Variants in INPP4B observed in about 807,000 individuals in gnomAD.
INPP4B encodes inositol polyphosphate-4-phosphatase type II B.
A neutral mutation model predicts 122.5 loss-of-function variants in INPP4B; 55 were observed. That is an observed-to-expected ratio of 0.45 (90% CI 0.36 to 0.56). The LOEUF is 0.56. Ranked by LOEUF, INPP4B falls within the 20% of genes least tolerant of loss-of-function variation. The pLI is 0.00. For synonymous variants in INPP4B, 403 were observed against 388.7 expected (o/e 1.04, Z -0.43); for missense variants, 1,000 against 1,097.7 (o/e 0.91, Z 1.26).
intron 2 of INPP4B, among the ~76,000 whole-genome samples, chr4:142,651,542 A>T (rs1361570611): frequency 2.0e-5 from 3 of 152,202 alleles, no homozygotes; most frequent in African/African-American, 7.2e-5. Context: ...AGGGGATATC[A>T]CCACCGATCC....
At chr4:142,125,196 T>C (rs977614729) in intron 18 of INPP4B, among the ~76,000 whole-genome samples, 9 of 152,046 alleles carry the variant, frequency 5.9e-5, no homozygotes, top group Non-Finnish European at 1.3e-4. Context: ...ATGCCCATCG[T>C]TGTTTATTGC....
intron 3 of INPP4B, among the ~76,000 whole-genome samples, chr4:142,451,671 AT>A (rs1180488431): frequency 6.6e-6 from 1 of 152,146 alleles, no homozygotes; most frequent in Non-Finnish European, 1.5e-5. Flanking sequence ...CCTTTTGGAG[AT>A]CACAATCCCA....
chr4:142,092,240 A>G (rs1779886783), intron 23 of INPP4B, among the ~76,000 whole-genome samples: 1 of 152,216 alleles, frequency 6.6e-6, no homozygotes, highest in African/African-American at 2.4e-5. Context: ...TAAAATTAAC[A>G]TAAGAGATAA....
At chr4:142,831,282 C>T (rs1378039021) in intron 1 of INPP4B, among the ~76,000 whole-genome samples, 2 of 152,142 alleles carry the variant, frequency 1.3e-5, no homozygotes, top group African/African-American at 4.8e-5. Flanking sequence ...GTCACAGTTG[C>T]CTGACAGTTC....
chr4:142,042,550 GTATGTATGTATT>G (rs1241262064), intron 25 of INPP4B, among the ~76,000 whole-genome samples: 1,001 of 28,912 alleles, frequency 0.035, 4 homozygotes, highest in African/African-American at 0.047. Flanking sequence ...ATGTATGTAT[GTATGTATGTATT>G]TATTTATTTA....
At chr4:142,588,825 A>G (rs947706227) in intron 2 of INPP4B, among the ~76,000 whole-genome samples, 1 of 151,868 alleles carries the variant, frequency 6.6e-6, no homozygotes, top group Non-Finnish European at 1.5e-5. Context: ...TTTTGTAGAT[A>G]TCAGCAACAG....
At position 142,659,319 on chromosome 4, in the gene INPP4B, T is replaced by C. The variant is rs1243078332; in HGVS notation, c.-191+66520A>G. Among the ~76,000 whole-genome samples, 4 of 151,322 alleles carry C rather than the reference T, an allele frequency of 2.6e-5. No homozygotes were observed. The East Asian group carries it at 5.9e-4, about 22-fold the overall frequency. On this transcript the variant is annotated intron_variant, in intron 2 of 25. Transcript: ENST00000262992. Reference sequence around the variant, plus strand: ...TACCCCGGATGCTGAGGCAGAAGAATGGCGTGAACCCGGGAGGTGGAGCTT... The same window carrying C: ...TACCCCGGATGCTGAGGCAGAAGAACGGCGTGAACCCGGGAGGTGGAGCTT...
intron 2 of INPP4B, among the ~76,000 whole-genome samples, chr4:142,553,021 C>T (rs1472852852): frequency 6.6e-6 from 1 of 152,162 alleles, no homozygotes; most frequent in Non-Finnish European, 1.5e-5. Context: ...ACACTGTATG[C>T]TGAAGACCTC....
Position 142,082,052 on chromosome 4 carries a change from C to G in INPP4B, c.2621G>C (p.Arg874Pro). 6.8e-7 allele frequency: 1 copy of G among 1,464,338 alleles called. No individual in the cohort carries two copies. 90.7% of individuals were successfully genotyped at this position (1,464,338 alleles called of 1,614,324 possible). A position where few individuals can be genotyped will look rare whatever the true frequency, so the allele number is the denominator to read the frequency against. The part of the protein sequence containing the change: ...EHQLHKDFFI[R>P]ALDCMRREGC... ...ATACCTTCTCATGCAATCCAGCGCT[C>G]GGATAAAGAAGTCCTTGTGTAACTG... The change falls in exon 25 of 26, where the codon CGA becomes CCA. Residue 874 changes from arginine (R) to proline (P), a missense_variant. Coordinates refer to ENST00000262992, the MANE Select transcript of INPP4B (RefSeq NM_001101669.3).
At chr4:142,292,319 A>G (rs1380108804) in intron 9 of INPP4B, among the ~76,000 whole-genome samples, 4 of 152,198 alleles carry the variant, frequency 2.6e-5, no homozygotes, top group Non-Finnish European at 1.5e-5. Flanking sequence ...TCACAGGTCT[A>G]TCCTGAAAGT....
chr4:142,452,911 T>A (rs1580104271), intron 3 of INPP4B, among the ~76,000 whole-genome samples: 3 of 150,208 alleles, frequency 2.0e-5, no homozygotes, highest in African/African-American at 4.9e-5. Context: ...AACAACGGTT[T>A]AAAAAAAAAA....
chr4:142,327,315 G>T (rs111642815), intron 7 of INPP4B, among the ~76,000 whole-genome samples: 1 of 151,980 alleles, frequency 6.6e-6, no homozygotes, highest in Non-Finnish European at 1.5e-5. Context: ...ATCGTGATAC[G>T]GCTTATGTAT....
At chr4:142,127,719 TC>T in intron 18 of INPP4B, among the ~76,000 whole-genome samples, 1 of 152,198 alleles carries the variant, frequency 6.6e-6, no homozygotes, top group Non-Finnish European at 1.5e-5. Context: ...AGGTAATATG[TC>T]TTTAAAATAG....
At chr4:142,335,967 G>A (rs954854901) in intron 7 of INPP4B, among the ~76,000 whole-genome samples, 1 of 152,130 alleles carries the variant, frequency 6.6e-6, no homozygotes, top group Non-Finnish European at 1.5e-5. Flanking sequence ...AACTTCCGTG[G>A]TGTCTCTTAG....
chr4:142,281,604 CT>C (rs1192934618), intron 9 of INPP4B, among the ~76,000 whole-genome samples: 3 of 151,860 alleles, frequency 2.0e-5, no homozygotes, highest in Non-Finnish European at 4.4e-5. Flanking sequence ...GCAAAGAAAT[CT>C]CTAAAATAAC....
intron 1 of INPP4B, among the ~76,000 whole-genome samples, chr4:142,801,552 G>A (rs982594443): frequency 2.6e-5 from 4 of 152,144 alleles, no homozygotes; most frequent in African/African-American, 7.2e-5. Context: ...CTCCATCTTC[G>A]ACTTTCAGCC....
At chr4:142,477,110 G>A (rs1488853389) in intron 2 of INPP4B, among the ~76,000 whole-genome samples, 1 of 152,064 alleles carries the variant, frequency 6.6e-6, no homozygotes, top group African/African-American at 2.4e-5. Context: ...TTGTACCACT[G>A]CACAATAAAA....
intron 25 of INPP4B, among the ~76,000 whole-genome samples, chr4:142,040,044 T>G (rs1746369308): frequency 6.7e-6 from 1 of 149,712 alleles, no homozygotes; most frequent in Admixed American, 6.7e-5. Flanking sequence ...GTTGGGGGGG[T>G]AATACAGAAT....
chr4:142,620,797 T>C (rs983944042), intron 2 of INPP4B, among the ~76,000 whole-genome samples: 1 of 152,020 alleles, frequency 6.6e-6, no homozygotes, highest in Admixed American at 6.6e-5. Context: ...ATTGTTTCAT[T>C]ATTTTCAGAT....
Sources: allele counts gnomAD v4.1 joint callset (sites outside exome capture counted in the v4.1 genomes callset), GRCh38; gene constraint gnomAD v4.1.1; transcripts MANE v1.5; gene names NCBI Gene and HGNC (gene_info 2026-07-23, HGNC 2026-07-21).